Variants in SNX6 observed in about 807,000 individuals in gnomAD.
SNX6 encodes the protein sorting nexin 6.
In SNX6, 34 loss-of-function variants were observed where a neutral mutation model predicts 63.0. The ratio of observed to expected loss-of-function variants is 0.54; its 90% CI spans 0.41 to 0.72. The LOEUF is 0.72. Among genes scored for constraint, SNX6 ranks in the 30% least tolerant of loss-of-function variants. The probability of loss-of-function intolerance (pLI) is 0.00; values close to 1 mark genes in which losing one functional copy is unlikely to be tolerated. For synonymous variants in SNX6, 170 were observed against 164.2 expected (o/e 1.04, Z -0.27); for missense variants, 398 against 471.4 (o/e 0.84, Z 1.44).
intron 10 of SNX6, among the ~76,000 whole-genome samples, chr14:34,577,953 C>T (rs1881775552): frequency 6.6e-6 from 1 of 152,128 alleles, no homozygotes; most frequent in Non-Finnish European, 1.5e-5. Flanking sequence ...TCTGTAATCC[C>T]AGCACTACGG....
chr14:34,588,773 A>C (rs1882274960), intron 8 of SNX6, among the ~76,000 whole-genome samples: 1 of 152,172 alleles, frequency 6.6e-6, no homozygotes. Flanking sequence ...ACACAATCCC[A>C]ATCAAAATCC....
At chr14:34,597,477 T>C (rs1882649926) in intron 7 of SNX6, 73 bp downstream of exon 7, 5 of 919,102 alleles carry the variant, frequency 5.4e-6, no homozygotes, top group South Asian at 1.4e-5. Context: ...ATTCTGCACA[T>C]TTGAAATCTC....
chr14:34,615,937 T>C (rs1883402760), intron 2 of SNX6, among the ~76,000 whole-genome samples: 1 of 152,106 alleles, frequency 6.6e-6, no homozygotes, highest in African/African-American at 2.4e-5. Flanking sequence ...TTATAACATA[T>C]CTGAAATAGG....
intron 2 of SNX6, among the ~76,000 whole-genome samples, chr14:34,621,563 C>T (rs771087537): frequency 6.6e-6 from 1 of 152,214 alleles, no homozygotes; most frequent in African/African-American, 2.4e-5. Flanking sequence ...ACACAATCCT[C>T]AGCCTTACAG....
intron 2 of SNX6, among the ~76,000 whole-genome samples, chr14:34,616,720 T>A (rs1883431877): frequency 6.6e-6 from 1 of 152,178 alleles, no homozygotes; most frequent in Middle Eastern, 3.4e-3. Flanking sequence ...TAGCAAAAAG[T>A]CAATCATTTT....
intron 9 of SNX6, among the ~76,000 whole-genome samples, chr14:34,583,737 C>T (rs965358641): frequency 5.3e-5 from 8 of 152,062 alleles, no homozygotes; most frequent in African/African-American, 1.4e-4. Context: ...ATTTTACGAA[C>T]TTTGCTTTCA....
At position 34,566,208 on chromosome 14, in the gene SNX6, C is replaced by T. The variant is rs575850673; in HGVS notation, c.1167+1478G>A. 9.2e-5 allele frequency among the ~76,000 whole-genome samples: 14 copies of T among 152,250 alleles called. No individual in the cohort carries two copies. In the South Asian group the frequency reaches 2.9e-3, roughly 32 times the overall value. On this transcript the variant is annotated intron_variant, in intron 13 of 13. Transcript: ENST00000362031. Reference sequence around the variant, plus strand: ...TGACAGGGTTATTAGACCAAGAAATCAAAAAACAAAAACAGCAAATGTTAA... The same window carrying T: ...TGACAGGGTTATTAGACCAAGAAATTAAAAAACAAAAACAGCAAATGTTAA...
At chr14:34,583,729 T>C (rs1284153890) in intron 9 of SNX6, among the ~76,000 whole-genome samples, 2 of 152,094 alleles carry the variant, frequency 1.3e-5, no homozygotes, top group Non-Finnish European at 2.9e-5. Flanking sequence ...CAAAAACAAT[T>C]TTACGAACTT....
rs537334537 is a variant in SNX6 at position 34,568,827 on chromosome 14, G to A, written c.922-814C>T. The A allele has an allele frequency of 1.2e-4, 122 of 1,039,656 alleles. No homozygotes were observed. The South Asian group carries it at 1.5e-3, about 13-fold the overall frequency. 64.4% of individuals were successfully genotyped at this position (1,039,656 alleles called of 1,614,324 possible). On this transcript the variant is annotated intron_variant, in intron 11 of 13. Transcript: ENST00000362031. ...CCTCCAGGGCTTGGAGGACCCGGTGGGCCACATTCTTGGAGCCTCGGCTAA... is the reference window on the plus strand; with the variant it reads ...CCTCCAGGGCTTGGAGGACCCGGTGAGCCACATTCTTGGAGCCTCGGCTAA...
chr14:34,568,838 T>C, intron 11 of SNX6: 3 of 1,071,020 alleles, frequency 2.8e-6, no homozygotes, highest in Non-Finnish European at 4.3e-6. Context: ...GCCACATTCT[T>C]GGAGCCTCGG....
intron 5 of SNX6, 91 bp downstream of exon 5, chr14:34,605,505 G>C: frequency 9.0e-7 from 1 of 1,107,426 alleles, no homozygotes. Context: ...TGGGATATCA[G>C]AAAACACCAA....
At chr14:34,607,038 A>G (rs1209269356) in intron 4 of SNX6, among the ~76,000 whole-genome samples, 1 of 151,550 alleles carries the variant, frequency 6.6e-6, no homozygotes, top group East Asian at 2.0e-4. Flanking sequence ...TCGGCCTCCC[A>G]AAGTGCTGGG....
At chr14:34,596,558 G>A in intron 7 of SNX6, among the ~76,000 whole-genome samples, 1 of 149,434 alleles carries the variant, frequency 6.7e-6, no homozygotes, top group African/African-American at 2.5e-5. Context: ...GGCGGAGGTT[G>A]CAGTGAGCCG....
At chr14:34,596,365 A>T (rs1216239205) in intron 7 of SNX6, among the ~76,000 whole-genome samples, 1 of 151,968 alleles carries the variant, frequency 6.6e-6, no homozygotes, top group Admixed American at 6.6e-5. Context: ...TCACACCTGT[A>T]ATCCCAGCAC....
rs994182763 is a variant in SNX6, at chr14:34,574,824, C to T, written c.921+932G>A. Among the ~76,000 whole-genome samples, 9 of 151,576 alleles carry T rather than the reference C, an allele frequency of 5.9e-5. 1 individual carries two copies. Among genetic ancestry groups the T allele is most frequent in the South Asian group, 4.2e-4 (2 of 4,806 alleles). ...CCACCCGCCTCGGCCTCCCAAAGTG[C>T]TGGGATTACAGGCGTAAGCCACTGC... On this transcript the variant is annotated intron_variant, in intron 11 of 13. Transcript: ENST00000362031.
intron 8 of SNX6, among the ~76,000 whole-genome samples, chr14:34,587,008 CAAAAAAAAAAA>C (rs71121211): frequency 0.031 from 1,536 of 50,302 alleles, 49 homozygotes; most frequent in African/African-American, 0.11. Context: ...GACTCTGTCT[CAAAAAAAAAAA>C]AAAAAAAAAA....
intron 11 of SNX6, among the ~76,000 whole-genome samples, chr14:34,573,670 G>A (rs745660217): frequency 6.6e-5 from 10 of 150,770 alleles, no homozygotes; most frequent in Non-Finnish European, 1.0e-4. Context: ...ACGGAGTCTC[G>A]CTTTGTCGCC....
At chr14:34,572,822 AG>A (rs1462593419) in intron 11 of SNX6, among the ~76,000 whole-genome samples, 1 of 151,910 alleles carries the variant, frequency 6.6e-6, no homozygotes, top group East Asian at 1.9e-4. Flanking sequence ...CTGGGACTAC[AG>A]GCACCCACCA....
chr14:34,570,048 T>C (rs146321648), intron 11 of SNX6, among the ~76,000 whole-genome samples: 106 of 151,506 alleles, frequency 7.0e-4, no homozygotes, highest in African/African-American at 2.2e-3. Flanking sequence ...CAACACTTAT[T>C]TTGTTTTTTT....
Sources: gnomAD v4.1 joint callset for allele counts (sites outside exome capture counted in the v4.1 genomes callset) on GRCh38, gnomAD v4.1.1 for gene constraint, MANE v1.5 for transcripts, NCBI Gene and HGNC (gene_info 2026-07-23, HGNC 2026-07-21) for gene names.